The following NELL1 variants were observed in gnomAD, a reference collection of about 807,000 sequenced individuals.
The protein encoded by NELL1 is protein kinase C-binding protein NELL1.
Under a neutral mutation model 107.4 loss-of-function variants are expected in NELL1, and 76 were observed. The observed-to-expected ratio is 0.71, with a 90% confidence interval of 0.59 to 0.86. The LOEUF (loss-of-function observed/expected upper bound fraction) is 0.86, where lower values mean the gene tolerates loss of function less well. NELL1 is among the 40% of genes least tolerant of loss of function. The pLI is 0.00. For missense variants in NELL1, 1,024 were observed against 1,005.5 expected (o/e 1.02, Z -0.25); for synonymous variants, 353 against 341.2 (o/e 1.03, Z -0.38).
chr11:21,139,252 T>C (rs1166415924), intron 13 of NELL1, among the ~76,000 whole-genome samples: 1 of 152,234 alleles, frequency 6.6e-6, no homozygotes, highest in Non-Finnish European at 1.5e-5. Flanking sequence ...TGTGCTGCCA[T>C]GACTGGTGAA....
At chr11:21,497,315 A>G (rs941028828) in intron 15 of NELL1, among the ~76,000 whole-genome samples, 4 of 152,184 alleles carry the variant, frequency 2.6e-5, no homozygotes, top group Non-Finnish European at 5.9e-5. Flanking sequence ...GTTACAAAAA[A>G]TATTTTTAAA....
chr11:20,980,296 A>G (rs1476570345), intron 12 of NELL1, among the ~76,000 whole-genome samples: 1 of 152,170 alleles, frequency 6.6e-6, no homozygotes, highest in Non-Finnish European at 1.5e-5. Context: ...ATAGGGGACT[A>G]TGCAGTAGAT....
intron 14 of NELL1, among the ~76,000 whole-genome samples, chr11:21,325,747 T>C (rs1850117693): frequency 6.6e-6 from 1 of 152,082 alleles, no homozygotes; most frequent in Admixed American, 6.6e-5. Flanking sequence ...ATTATTACTA[T>C]TATCTCAGAA....
chr11:21,201,565 T>A (rs1321410985), intron 13 of NELL1, among the ~76,000 whole-genome samples: 1 of 152,216 alleles, frequency 6.6e-6, no homozygotes, highest in Non-Finnish European at 1.5e-5. Flanking sequence ...AGTCATGTCA[T>A]CTGTAAACCG....
chr11:20,777,682 G>A (rs988371494), intron 2 of NELL1, among the ~76,000 whole-genome samples: 2 of 152,176 alleles, frequency 1.3e-5, no homozygotes, highest in African/African-American at 2.4e-5. Context: ...TTCTTACCAT[G>A]AGCTTATGTG....
chr11:21,478,274 T>C (rs1854399644), intron 15 of NELL1, among the ~76,000 whole-genome samples: 1 of 152,062 alleles, frequency 6.6e-6, no homozygotes, highest in Non-Finnish European at 1.5e-5. Context: ...GGTCCCTCCC[T>C]CGACACATGG....
intron 4 of NELL1, among the ~76,000 whole-genome samples, chr11:20,872,640 C>T (rs190696403): frequency 2.6e-4 from 38 of 147,712 alleles, no homozygotes; most frequent in African/African-American, 8.9e-4. Flanking sequence ...AATACTAATC[C>T]CTGCTTGAAT....
At chr11:20,839,748 C>A (rs1258654111) in intron 3 of NELL1, among the ~76,000 whole-genome samples, 1 of 152,158 alleles carries the variant, frequency 6.6e-6, no homozygotes, top group Non-Finnish European at 1.5e-5. Context: ...GGTTCTGAAG[C>A]CTCTTTACAT....
chr11:20,997,776 C>A (rs747793650), intron 12 of NELL1, among the ~76,000 whole-genome samples: 1 of 151,890 alleles, frequency 6.6e-6, no homozygotes, highest in Non-Finnish European at 1.5e-5. Flanking sequence ...GAGTTCAGGA[C>A]CAGCCTGGGT....
intron 12 of NELL1, among the ~76,000 whole-genome samples, chr11:20,981,956 T>C (rs74389849): frequency 1.1e-4 from 16 of 148,656 alleles, no homozygotes; most frequent in East Asian, 6.0e-4. Context: ...CTCTCTCTCT[T>C]TCTCTCTCTC....
intron 12 of NELL1, among the ~76,000 whole-genome samples, chr11:21,018,785 T>C (rs1311065702): frequency 7.2e-5 from 11 of 152,148 alleles, no homozygotes; most frequent in Admixed American, 7.2e-4. Flanking sequence ...GTGGGTTTAC[T>C]GCAGGAATGC....
At chr11:20,861,020 A>G (rs1848968186) in intron 4 of NELL1, among the ~76,000 whole-genome samples, 1 of 152,206 alleles carries the variant, frequency 6.6e-6, no homozygotes, top group Admixed American at 6.5e-5. Flanking sequence ...ATTCAAGCCC[A>G]TTAGACTAAC....
chr11:21,348,359 G>A (rs955518875), intron 14 of NELL1, among the ~76,000 whole-genome samples: 10 of 152,218 alleles, frequency 6.6e-5, no homozygotes, highest in Middle Eastern at 3.4e-3. Context: ...TATGTGTACC[G>A]GACCCTGTGC....
At chr11:21,140,397 A>T (rs1464551308) in intron 13 of NELL1, among the ~76,000 whole-genome samples, 1 of 152,228 alleles carries the variant, frequency 6.6e-6, no homozygotes, top group Admixed American at 6.5e-5. Context: ...CAAATGTGAG[A>T]GTTTAATGAG....
chr11:21,062,654 A>T (rs1224609357), intron 12 of NELL1, among the ~76,000 whole-genome samples: 1 of 152,116 alleles, frequency 6.6e-6, no homozygotes, highest in African/African-American at 2.4e-5. Flanking sequence ...CCTACAAGCT[A>T]AAGGGCACAT....
intron 13 of NELL1, chr11:21,169,867 G>T (rs1055313888): frequency 2.8e-6 from 4 of 1,415,470 alleles, no homozygotes; most frequent in East Asian, 2.3e-5. Flanking sequence ...AGGAAGAGTT[G>T]CCATGTCACC....
intron 16 of NELL1, among the ~76,000 whole-genome samples, chr11:21,555,437 C>T (rs140040128): frequency 1.1e-4 from 17 of 151,824 alleles, no homozygotes; most frequent in African/African-American, 3.6e-4. Flanking sequence ...TGAGTAAATG[C>T]GGATAGTTGC....
chr11:20,703,337 G>A (rs915135307), intron 2 of NELL1, among the ~76,000 whole-genome samples: 7 of 152,062 alleles, frequency 4.6e-5, no homozygotes, highest in East Asian at 1.9e-4. Flanking sequence ...CTGTGGGATC[G>A]GTGGTGATAT....
At chr11:21,032,873 T>A (rs943794791) in intron 12 of NELL1, among the ~76,000 whole-genome samples, 17 of 152,370 alleles carry the variant, frequency 1.1e-4, no homozygotes, top group Non-Finnish European at 1.3e-4. Flanking sequence ...TCAATCTTTC[T>A]TCCTGGCTTG....
Sources: allele counts gnomAD v4.1 joint callset (sites outside exome capture counted in the v4.1 genomes callset), GRCh38; gene constraint gnomAD v4.1.1; transcripts MANE v1.5; gene names NCBI Gene and HGNC (gene_info 2026-07-23, HGNC 2026-07-21).